ARHGAP15: variants seen among roughly 807,000 people sequenced by gnomAD.
The protein encoded by ARHGAP15 is rho GTPase-activating protein 15.
ARHGAP15 carries 51 observed loss-of-function variants against 63.7 expected under a neutral mutation model. That is an observed-to-expected ratio of 0.80 (90% CI 0.64 to 1.01). ARHGAP15 has a LOEUF of 1.01. Ranked by LOEUF, ARHGAP15 falls within the 50% of genes least tolerant of loss-of-function variation. ARHGAP15 has a pLI of 0.00. For synonymous variants in ARHGAP15, 191 were observed against 193.8 expected, an observed-to-expected ratio of 0.99 and a Z score of 0.12; for missense variants, 560 against 564.6, an observed-to-expected ratio of 0.99 and a Z score of 0.08.
intron 12 of ARHGAP15, among the ~76,000 whole-genome samples, chr2:143,642,873 A>G (rs1680674901): frequency 6.6e-6 from 1 of 152,196 alleles, no homozygotes; most frequent in East Asian, 1.9e-4. Flanking sequence ...AAAGTGAGGA[A>G]TTGGGGTTGA....
chr2:143,226,668 T>TGTTTTTTC (rs1340951119), intron 4 of ARHGAP15, among the ~76,000 whole-genome samples: 1 of 152,228 alleles, frequency 6.6e-6, no homozygotes, highest in Non-Finnish European at 1.5e-5. Flanking sequence ...TTCTGGGTTT[T>TGTTTTTTC]GTTTTTTCAT....
At chr2:143,379,126 G>A (rs1017305838) in intron 6 of ARHGAP15, among the ~76,000 whole-genome samples, 4 of 151,912 alleles carry the variant, frequency 2.6e-5, no homozygotes, top group Admixed American at 2.6e-4. Flanking sequence ...TAAAAGCAGA[G>A]ATGATTAATC....
chr2:143,632,985 G>C (rs1460668811), intron 12 of ARHGAP15, among the ~76,000 whole-genome samples: 1 of 152,120 alleles, frequency 6.6e-6, no homozygotes, highest in Non-Finnish European at 1.5e-5. Flanking sequence ...CTTAAAACCA[G>C]AGAAAGAGCA....
intron 6 of ARHGAP15, among the ~76,000 whole-genome samples, chr2:143,302,203 T>C (rs1682938769): frequency 1.3e-5 from 2 of 152,068 alleles, no homozygotes; most frequent in South Asian, 2.1e-4. Flanking sequence ...ATTCTTGGTG[T>C]TCCATATCCA....
At chr2:143,646,049 A>G (rs1338927150) in intron 12 of ARHGAP15, among the ~76,000 whole-genome samples, 1 of 152,062 alleles carries the variant, frequency 6.6e-6, no homozygotes, top group African/African-American at 2.4e-5. Context: ...TTCAGCACGC[A>G]CTAATGTTGA....
Position 143,646,698 on chromosome 2 carries a change from T to G in ARHGAP15, c.1138+22431T>G, listed in dbSNP as rs550679064. On this transcript the variant is annotated intron_variant, in intron 12 of 13. Transcript: ENST00000295095. ...TCTGTATATGACAGTTAGTATGTAT[T>G]GTATTGTCTACCCTCATTTATCTAT... Among the ~76,000 whole-genome samples the G allele has an allele frequency of 3.9e-5, 6 of 152,142 alleles. No individual in the cohort carries two copies. The South Asian group carries it at 1.2e-3, about 32-fold the overall frequency.
intron 9 of ARHGAP15, among the ~76,000 whole-genome samples, chr2:143,502,934 G>A (rs910226088): frequency 6.6e-6 from 1 of 152,190 alleles, no homozygotes; most frequent in African/African-American, 2.4e-5. Flanking sequence ...AAGCTGCCAT[G>A]AATGTGTATG....
At chr2:143,723,497 C>T (rs1425719840) in intron 13 of ARHGAP15, among the ~76,000 whole-genome samples, 2 of 152,114 alleles carry the variant, frequency 1.3e-5, no homozygotes, top group South Asian at 2.1e-4. Context: ...CAGGAGTATT[C>T]GCTGGTATTT....
chr2:143,310,096 A>C (rs1397589588), intron 6 of ARHGAP15, among the ~76,000 whole-genome samples: 1 of 152,068 alleles, frequency 6.6e-6, no homozygotes, highest in Non-Finnish European at 1.5e-5. Context: ...GCGTTTTCCA[A>C]AATCACAGCT....
At chr2:143,351,953 A>G (rs1377788340) in intron 6 of ARHGAP15, among the ~76,000 whole-genome samples, 1 of 152,186 alleles carries the variant, frequency 6.6e-6, no homozygotes, top group Non-Finnish European at 1.5e-5. Context: ...TATAGAACAT[A>G]TTTATTTACA....
intron 12 of ARHGAP15, among the ~76,000 whole-genome samples, chr2:143,624,901 G>GTT (rs34440273): frequency 2.5e-4 from 38 of 149,900 alleles, no homozygotes; most frequent in African/African-American, 8.6e-4. Flanking sequence ...TTCCTTTTCT[G>GTT]TTTTTTTTTT....
intron 6 of ARHGAP15, among the ~76,000 whole-genome samples, chr2:143,426,262 C>A (rs539193524): frequency 6.6e-6 from 1 of 152,094 alleles, no homozygotes; most frequent in African/African-American, 2.4e-5. Flanking sequence ...AAATATTGCA[C>A]CTCTTAAATA....
At chr2:143,245,974 G>A (rs1211359722) in intron 5 of ARHGAP15, among the ~76,000 whole-genome samples, 1 of 152,046 alleles carries the variant, frequency 6.6e-6, no homozygotes, top group Non-Finnish European at 1.5e-5. Context: ...AGACAAAGTG[G>A]GAAATGACAC....
At chr2:143,371,210 G>T (rs536054991) in intron 6 of ARHGAP15, among the ~76,000 whole-genome samples, 1 of 152,302 alleles carries the variant, frequency 6.6e-6, no homozygotes, top group East Asian at 1.9e-4. Context: ...GTGCAGGTTT[G>T]TTACATAGGT....
chr2:143,171,781 C>G (rs1352019558), intron 2 of ARHGAP15, among the ~76,000 whole-genome samples: 1 of 152,052 alleles, frequency 6.6e-6, no homozygotes, highest in Non-Finnish European at 1.5e-5. Flanking sequence ...ATTAAAGGTT[C>G]CATTTGGCTC....
At chr2:143,139,884 T>A (rs997526200) in intron 1 of ARHGAP15, among the ~76,000 whole-genome samples, 2 of 152,148 alleles carry the variant, frequency 1.3e-5, no homozygotes, top group Non-Finnish European at 1.5e-5. Context: ...GTATGATATT[T>A]TGGGCAAGTT....
At chr2:143,666,199 T>C (rs1462936918) in intron 12 of ARHGAP15, among the ~76,000 whole-genome samples, 1 of 150,204 alleles carries the variant, frequency 6.7e-6, no homozygotes, top group African/African-American at 2.4e-5. Flanking sequence ...CAAAACAGCA[T>C]GGTACTGGTA....
intron 9 of ARHGAP15, among the ~76,000 whole-genome samples, chr2:143,488,550 C>T (rs186250383): frequency 7.3e-4 from 111 of 152,024 alleles, no homozygotes; most frequent in Non-Finnish European, 1.3e-3. Context: ...TGAAATTGGG[C>T]GAAAAGAAAC....
intron 6 of ARHGAP15, among the ~76,000 whole-genome samples, chr2:143,431,709 T>C (rs1351191307): frequency 2.6e-5 from 4 of 152,038 alleles, no homozygotes; most frequent in South Asian, 4.1e-4. Flanking sequence ...TCCAAACAGA[T>C]TGTGAGTTCT....
Sources: gnomAD v4.1 joint callset for allele counts (sites outside exome capture counted in the v4.1 genomes callset) on GRCh38, gnomAD v4.1.1 for gene constraint, MANE v1.5 for transcripts, NCBI Gene and HGNC (gene_info 2026-07-23, HGNC 2026-07-21) for gene names.